Variants in ENTHD1 observed in about 807,000 individuals in gnomAD.
The protein encoded by ENTHD1 is ENTH domain-containing protein 1.
ENTHD1 carries 23 observed loss-of-function variants against 39.1 expected under a neutral mutation model. That is an observed-to-expected ratio of 0.59 (90% CI 0.42 to 0.83). The LOEUF (loss-of-function observed/expected upper bound fraction) is 0.83, where lower values mean the gene tolerates loss of function less well. ENTHD1 is among the 40% of genes least tolerant of loss of function. ENTHD1 has a pLI of 0.00. For missense variants in ENTHD1, 624 were observed against 705.4 expected (o/e 0.88, Z 1.31); for synonymous variants, 230 against 258.2 (o/e 0.89, Z 1.05).
At chr22:39,752,926 T>C (rs1020423537) in intron 6 of ENTHD1, among the ~76,000 whole-genome samples, 31 of 152,180 alleles carry the variant, frequency 2.0e-4, no homozygotes, top group Admixed American at 2.0e-3. Context: ...TTTTCCTCAG[T>C]TTCTGGCTCT....
In ENTHD1 at chr22:39,747,324, A is replaced by T. The variant is rs79912043; in HGVS notation, c.1220-3041T>A. Among the ~76,000 whole-genome samples the T allele has an allele frequency of 6.2e-3, 939 of 152,210 alleles. 8 individuals are homozygous for T. The highest frequency in any genetic ancestry group is 0.021 in the African/African-American group (883 of 41,514). ...TTAAATTCTCTTTGTTTAGCACCAG[A>T]TGGAGTAGGTTTTATAACCCCGTTT... On this transcript the variant is annotated intron_variant, in intron 6 of 6. Coordinates refer to ENST00000325157, the MANE Select transcript of ENTHD1 (RefSeq NM_152512.4).
intron 2 of ENTHD1, among the ~76,000 whole-genome samples, chr22:39,863,532 A>G (rs2066160931): frequency 6.6e-6 from 1 of 152,222 alleles, no homozygotes; most frequent in Non-Finnish European, 1.5e-5. Flanking sequence ...CCCAGATACA[A>G]AGGTACACTG....
At chr22:39,757,166 T>C (rs2065191453) in intron 6 of ENTHD1, among the ~76,000 whole-genome samples, 1 of 152,252 alleles carries the variant, frequency 6.6e-6, no homozygotes, top group Non-Finnish European at 1.5e-5. Context: ...AAATGTTTCA[T>C]AGTTTTCACT....
chr22:39,861,760 C>T lies in ENTHD1; in HGVS notation c.592+5G>A, dbSNP rs747931892. The T allele has an allele frequency of 4.6e-6, 7 of 1,510,766 alleles. No homozygotes were observed. The highest frequency in any genetic ancestry group is 4.6e-5 in the East Asian group (2 of 43,062). 93.6% of individuals were successfully genotyped at this position (1,510,766 alleles called of 1,614,324 possible). On this transcript the variant is annotated splice_donor_5th_base_variant and intron_variant, in intron 3 of 6. Coordinates refer to ENST00000325157, the MANE Select transcript of ENTHD1 (RefSeq NM_152512.4). ...GCATTTTAGGCCAATGTTCATTATA[C>T]GTACTTTTATTATGTAACCTTCCAA...
chr22:39,801,021 G>A (rs995070934), intron 5 of ENTHD1, among the ~76,000 whole-genome samples: 6 of 152,184 alleles, frequency 3.9e-5, no homozygotes, highest in African/African-American at 9.7e-5. Context: ...CTAACAGCCC[G>A]GGCAGGGGAT....
chr22:39,765,760 T>C, intron 5 of ENTHD1, 151 bp from the exon 6 acceptor site: 1 of 821,376 alleles, frequency 1.2e-6, no homozygotes, highest in East Asian at 2.8e-5. Context: ...TGCTTCTATA[T>C]TCTGCCTATT....
chr22:39,798,819 G>T (rs1050252098), intron 5 of ENTHD1, among the ~76,000 whole-genome samples: 3 of 152,140 alleles, frequency 2.0e-5, no homozygotes, highest in Non-Finnish European at 4.4e-5. Flanking sequence ...AGTAGCAGTG[G>T]TGGGACAACC....
At chr22:39,878,215 T>C (rs138452806) in intron 2 of ENTHD1, among the ~76,000 whole-genome samples, 61 of 152,264 alleles carry the variant, frequency 4.0e-4, no homozygotes, top group African/African-American at 1.4e-3. Context: ...GGAAAGAATC[T>C]TTGAGCTGGA....
intron 5 of ENTHD1, among the ~76,000 whole-genome samples, chr22:39,790,324 G>A (rs2065493842): frequency 6.6e-6 from 1 of 152,184 alleles, no homozygotes; most frequent in African/African-American, 2.4e-5. Flanking sequence ...TGGTGGACAG[G>A]ATATCTTGAT....
At chr22:39,778,818 T>A (rs1240095631) in intron 5 of ENTHD1, among the ~76,000 whole-genome samples, 1 of 152,190 alleles carries the variant, frequency 6.6e-6, no homozygotes, top group Admixed American at 6.5e-5. Context: ...TTCCCATGCC[T>A]TACACATATT....
chr22:39,752,444 C>A (rs2065154778), intron 6 of ENTHD1, among the ~76,000 whole-genome samples: 1 of 152,158 alleles, frequency 6.6e-6, no homozygotes, highest in African/African-American at 2.4e-5. Context: ...TGTAGGACTT[C>A]TAGCCAGTGA....
chr22:39,828,159 A>G (rs898771986), intron 4 of ENTHD1, among the ~76,000 whole-genome samples: 7 of 152,200 alleles, frequency 4.6e-5, no homozygotes, highest in Admixed American at 3.3e-4. Context: ...TGTAGACACA[A>G]AAATTTCCCC....
chr22:39,803,004 T>G (rs2065610871), intron 5 of ENTHD1, among the ~76,000 whole-genome samples: 1 of 152,176 alleles, frequency 6.6e-6, no homozygotes, highest in African/African-American at 2.4e-5. Flanking sequence ...CTGCTTCTGC[T>G]CGCACTTCCT....
intron 5 of ENTHD1, among the ~76,000 whole-genome samples, chr22:39,794,902 G>T (rs1328918475): frequency 6.6e-6 from 1 of 151,884 alleles, no homozygotes; most frequent in East Asian, 1.9e-4. Flanking sequence ...TTGTGGGTTT[G>T]TCATATATGG....
At chr22:39,856,087 C>A (rs1249278668) in intron 3 of ENTHD1, among the ~76,000 whole-genome samples, 4 of 151,990 alleles carry the variant, frequency 2.6e-5, no homozygotes, top group Non-Finnish European at 5.9e-5. Flanking sequence ...CTAGTCTGAC[C>A]AACATGGAGA....
At chr22:39,855,893 A>G (rs576185236) in intron 3 of ENTHD1, among the ~76,000 whole-genome samples, 5 of 152,296 alleles carry the variant, frequency 3.3e-5, no homozygotes, top group African/African-American at 1.2e-4. Context: ...TGTGGCCTCT[A>G]CTATCATAAC....
At chr22:39,812,931 C>T (rs563373058) in intron 5 of ENTHD1, among the ~76,000 whole-genome samples, 1 of 152,240 alleles carries the variant, frequency 6.6e-6, no homozygotes, top group Non-Finnish European at 1.5e-5. Flanking sequence ...TACAGGTGTG[C>T]ACCACTATGC....
At chr22:39,861,005 T>G (rs190541471) in intron 3 of ENTHD1, among the ~76,000 whole-genome samples, 1 of 152,316 alleles carries the variant, frequency 6.6e-6, no homozygotes, top group Admixed American at 6.5e-5. Context: ...TAGAGCACTT[T>G]TAGGATTCTG....
In ENTHD1 at chr22:39,765,505, A is replaced by C. The variant is rs1279589314; in HGVS notation, c.937T>G (p.Leu313Val). The change falls in exon 6 of 7, where the codon TTG becomes GTG. Residue 313 changes from leucine (L) to valine (V), a missense_variant. Leu to Val is a conservative substitution (Grantham distance 32). Transcript: ENST00000325157. ...IFTNTVTENLLETPLEKQSAA... is the reference protein window; with the variant it reads ...IFTNTVTENLVETPLEKQSAA... The stretch of plus-strand genomic sequence containing the variant: ...GATTGCTTTTCTAAAGGTGTTTCCA[A>C]GAGGTTTTCTGTGACAGTATTTGTA... 1 of 1,613,936 alleles carries C rather than the reference A, an allele frequency of 6.2e-7. No homozygotes were observed. Among genetic ancestry groups the C allele is most frequent in the Admixed American group, 1.7e-5 (1 of 59,964 alleles).
Sources: allele counts gnomAD v4.1 joint callset (sites outside exome capture counted in the v4.1 genomes callset), GRCh38; gene constraint gnomAD v4.1.1; transcripts MANE v1.5; gene names NCBI Gene and HGNC (gene_info 2026-07-23, HGNC 2026-07-21).